The following AGK variants were observed in gnomAD, a reference collection of about 807,000 sequenced individuals.
AGK encodes the protein acylglycerol kinase, mitochondrial.
A neutral mutation model predicts 66.4 loss-of-function variants in AGK; 52 were observed. The observed-to-expected ratio is 0.78, with a 90% CI of 0.63 to 0.99. The LOEUF is 0.99. AGK is among the 50% of genes least tolerant of loss of function. The pLI is 0.00. For synonymous variants in AGK, 182 were observed against 181.1 expected, an observed-to-expected ratio of 1.00 and a Z score of -0.04; for missense variants, 451 against 506.6, an observed-to-expected ratio of 0.89 and a Z score of 1.05.
intron 2 of AGK, among the ~76,000 whole-genome samples, chr7:141,560,654 C>T (rs1795321267): frequency 6.6e-6 from 1 of 152,070 alleles, no homozygotes; most frequent in Non-Finnish European, 1.5e-5. Flanking sequence ...TCCCTTATAT[C>T]ATTCTCATGC....
At position 141,567,158 on chromosome 7, in the gene AGK, C is replaced by G. The variant is rs183795255; in HGVS notation, c.101+11591C>G. On this transcript the variant is annotated intron_variant, in intron 2 of 15. Transcript: ENST00000649286. ...ATGTTGGTGTCCCTCATGTTCCATT[C>G]TCATTCTACACACTCTGTAAGGGAT... 3.9e-5 allele frequency among the ~76,000 whole-genome samples: 6 copies of G among 152,208 alleles called. No individual in the cohort carries two copies. The East Asian group carries it at 1.2e-3, about 29-fold the overall frequency.
intron 9 of AGK, among the ~76,000 whole-genome samples, chr7:141,633,613 G>GT (rs1398027051): frequency 5.9e-5 from 9 of 152,266 alleles, no homozygotes; most frequent in African/African-American, 2.2e-4. Context: ...GGCTCGAGAG[G>GT]TAACATAGTT....
intron 2 of AGK, among the ~76,000 whole-genome samples, chr7:141,570,215 G>A (rs1443522913): frequency 2.0e-5 from 3 of 151,986 alleles, no homozygotes; most frequent in South Asian, 4.1e-4. Context: ...AGGAAGCCGC[G>A]TCTCTACTAA....
At chr7:141,646,855 T>G (rs1292655767) in intron 13 of AGK, among the ~76,000 whole-genome samples, 1 of 152,224 alleles carries the variant, frequency 6.6e-6, no homozygotes, top group Admixed American at 6.5e-5. Flanking sequence ...TCTGCAAGCC[T>G]ACAGTGTTCA....
intron 8 of AGK, among the ~76,000 whole-genome samples, chr7:141,620,030 A>G (rs1334555511): frequency 1.3e-5 from 2 of 152,176 alleles, no homozygotes; most frequent in African/African-American, 2.4e-5. Context: ...TTCATAAACA[A>G]TAGTGTAGAT....
chr7:141,609,511 G>T (rs1361537515), intron 5 of AGK, among the ~76,000 whole-genome samples: 1 of 152,206 alleles, frequency 6.6e-6, no homozygotes, highest in Admixed American at 6.5e-5. Context: ...GGGGGCAGAG[G>T]GATTGGCATA....
intron 13 of AGK, among the ~76,000 whole-genome samples, chr7:141,646,264 G>A (rs1562985643): frequency 6.6e-6 from 1 of 152,130 alleles, no homozygotes; most frequent in Non-Finnish European, 1.5e-5. Context: ...GCATGCATGT[G>A]AGAAACCACC....
At position 141,652,639 on chromosome 7, in the gene AGK, A is replaced by AT. The variant is rs200654013; in HGVS notation, c.1132-139dup. 2.3e-3 allele frequency: 1,747 copies of AT among 753,524 alleles called. 10 individuals carry two copies. Among genetic ancestry groups the AT allele is most frequent in the African/African-American group, 0.017 (988 of 57,296 alleles). The allele number at this position is 753,524 out of a possible 1,614,324, so 46.7% of individuals were successfully genotyped here. A position where few individuals can be genotyped will look rare whatever the true frequency, so the allele number is the denominator to read the frequency against. On this transcript the variant is annotated intron_variant, in intron 15 of 15. Transcript: ENST00000649286. The stretch of plus-strand genomic sequence containing the variant: ...CTGTGCCCATCGTAGTAGGCACTGA[A>AT]TTTTTTTTTGTAAAAGAACATTAGG...
intron 2 of AGK, among the ~76,000 whole-genome samples, chr7:141,569,524 ACT>A (rs1408029927): frequency 1.3e-5 from 2 of 152,130 alleles, no homozygotes; most frequent in African/African-American, 4.8e-5. Flanking sequence ...ACAGAGCAGG[ACT>A]CTGTCTCAAA....
At chr7:141,611,835 G>C (rs1489410904) in intron 6 of AGK, among the ~76,000 whole-genome samples, 4 of 152,208 alleles carry the variant, frequency 2.6e-5, no homozygotes, top group Non-Finnish European at 4.4e-5. Context: ...TCAGAACACT[G>C]ATGATATCAA....
chr7:141,647,542 C>T (rs1278330145), intron 13 of AGK, among the ~76,000 whole-genome samples: 2 of 152,184 alleles, frequency 1.3e-5, no homozygotes, highest in Admixed American at 6.5e-5. Flanking sequence ...TCTCAAAGTC[C>T]AGTTCTCAGA....
At chr7:141,579,777 G>A (rs919617460) in intron 2 of AGK, among the ~76,000 whole-genome samples, 10 of 151,944 alleles carry the variant, frequency 6.6e-5, no homozygotes, top group Admixed American at 3.3e-4. Context: ...ATGAAATGAC[G>A]ACAGAATAGA....
intron 2 of AGK, among the ~76,000 whole-genome samples, chr7:141,581,584 G>A (rs1023510286): frequency 7.9e-5 from 12 of 151,866 alleles, no homozygotes; most frequent in African/African-American, 2.2e-4. Flanking sequence ...GGCATTGAGC[G>A]AGGTAAGGGT....
At chr7:141,552,301 G>C (rs548378786) in intron 1 of AGK, among the ~76,000 whole-genome samples, 27 of 152,306 alleles carry the variant, frequency 1.8e-4, no homozygotes, top group African/African-American at 6.5e-4. Flanking sequence ...GCCCATTAAA[G>C]GTTTTTCATT....
intron 11 of AGK, among the ~76,000 whole-genome samples, chr7:141,640,801 G>A (rs1797270913): frequency 6.6e-6 from 1 of 152,180 alleles, no homozygotes; most frequent in Non-Finnish European, 1.5e-5. Flanking sequence ...GAAGTGAGAA[G>A]CCTTGGGCTG....
chr7:141,613,917 T>C (rs966386818), intron 6 of AGK, among the ~76,000 whole-genome samples: 1 of 152,200 alleles, frequency 6.6e-6, no homozygotes, highest in African/African-American at 2.4e-5. Flanking sequence ...TTTATAATTA[T>C]TTTATCTTAG....
intron 2 of AGK, among the ~76,000 whole-genome samples, chr7:141,576,976 C>G (rs942972119): frequency 3.9e-5 from 6 of 152,080 alleles, no homozygotes; most frequent in African/African-American, 1.4e-4. Flanking sequence ...GAAGGCAGAG[C>G]TTGCAGTGAG....
chr7:141,644,212 T>C (rs377257600), intron 13 of AGK, among the ~76,000 whole-genome samples: 7 of 152,316 alleles, frequency 4.6e-5, no homozygotes, highest in African/African-American at 1.4e-4. Flanking sequence ...ATTTTATTCA[T>C]GTTCTTTACC....
intron 9 of AGK, among the ~76,000 whole-genome samples, chr7:141,626,860 A>C (rs1796949064): frequency 6.6e-6 from 1 of 152,232 alleles, no homozygotes; most frequent in Admixed American, 6.5e-5. Flanking sequence ...TATTAACTAT[A>C]TCTTAAATAT....
Sources: gnomAD v4.1 joint callset for allele counts (sites outside exome capture counted in the v4.1 genomes callset) on GRCh38, gnomAD v4.1.1 for gene constraint, MANE v1.5 for transcripts, NCBI Gene and HGNC (gene_info 2026-07-23, HGNC 2026-07-21) for gene names.